Variants in SHROOM3 observed in about 807,000 individuals in gnomAD.
SHROOM3 encodes the protein shroom family member 3, also known as protein Shroom3.
In SHROOM3, 47 loss-of-function variants were observed where a neutral mutation model predicts 138.6. The observed-to-expected ratio is 0.34, with a 90% CI of 0.27 to 0.43. SHROOM3 has a LOEUF of 0.43. Ranked by LOEUF, SHROOM3 falls within the 20% of genes least tolerant of loss-of-function variation. The probability of loss-of-function intolerance (pLI) is 1.00; values close to 1 mark genes in which losing one functional copy is unlikely to be tolerated. For synonymous variants in SHROOM3, 1,062 were observed against 1,063.3 expected (o/e 1.00, Z 0.02); for missense variants, 2,491 against 2,596.5 (o/e 0.96, Z 0.88).
chr4:76,738,929 C>G lies in SHROOM3; in HGVS notation c.756C>G (p.Phe252Leu), dbSNP rs1721160385. The G allele has an allele frequency of 6.2e-7, 1 of 1,614,130 alleles. No individual in the cohort carries two copies. The highest frequency in any genetic ancestry group is 1.1e-5 in the South Asian group (1 of 91,094). ...GCAGCATTGACCAGCTCAGCCACTT[C>G]CATAACAAGAGAGACTCGGCTTACA... is the stretch of plus-strand genomic sequence containing the variant. ...STGSIDQLSH[F>L]HNKRDSAYSS... Residue 252 changes from phenylalanine (F) to leucine (L), a missense_variant, in exon 5 of 11, where the codon TTC becomes TTG. Transcript: ENST00000296043.
chr4:76,517,906 C>T (rs1043702638), intron 1 of SHROOM3, among the ~76,000 whole-genome samples: 12 of 152,134 alleles, frequency 7.9e-5, no homozygotes, highest in Admixed American at 2.6e-4. Context: ...CGGGATATTG[C>T]GGCTGCAGCA....
chr4:76,573,410 A>C (rs1372064508), intron 2 of SHROOM3, among the ~76,000 whole-genome samples: 2 of 148,304 alleles, frequency 1.3e-5, no homozygotes, highest in Non-Finnish European at 3.0e-5. Context: ...AATAATAATA[A>C]TAATAATAAT....
At chr4:76,755,228 C>T (rs751127098) in intron 7 of SHROOM3, 36 bp downstream of exon 7, 30 of 1,605,050 alleles carry the variant, frequency 1.9e-5, no homozygotes, top group Non-Finnish European at 2.4e-5. Context: ...CCCCCACTAA[C>T]AGGAGAGTGT....
At chr4:76,734,651 C>T (rs1025073084) in intron 4 of SHROOM3, among the ~76,000 whole-genome samples, 1 of 152,006 alleles carries the variant, frequency 6.6e-6, no homozygotes, top group African/African-American at 2.4e-5. Context: ...GCTGGGATTA[C>T]AGGCGTGAGC....
chr4:76,537,114 A>C (rs571914996), intron 1 of SHROOM3, among the ~76,000 whole-genome samples: 33 of 152,186 alleles, frequency 2.2e-4, no homozygotes, highest in Non-Finnish European at 4.1e-4. Context: ...CTCCATCTCA[A>C]AAATAATAAT....
At chr4:76,700,080 T>C (rs1719860772) in intron 2 of SHROOM3, among the ~76,000 whole-genome samples, 1 of 152,156 alleles carries the variant, frequency 6.6e-6, no homozygotes, top group African/African-American at 2.4e-5. Context: ...AAATACTTAT[T>C]GGGCATCATC....
chr4:76,507,889 T>C (rs1252694807), intron 1 of SHROOM3, among the ~76,000 whole-genome samples: 1 of 152,172 alleles, frequency 6.6e-6, no homozygotes, highest in African/African-American at 2.4e-5. Flanking sequence ...ATAAATCCTT[T>C]GCTCATTTTA....
intron 6 of SHROOM3, 107 bp downstream of exon 6, chr4:76,749,197 A>G: frequency 9.0e-7 from 1 of 1,112,472 alleles, no homozygotes; most frequent in Non-Finnish European, 1.4e-6. Flanking sequence ...ATAGTGTCAC[A>G]TGCTTTTTTG....
intron 1 of SHROOM3, among the ~76,000 whole-genome samples, chr4:76,477,218 C>T (rs1360091864): frequency 4.6e-5 from 7 of 152,180 alleles, no homozygotes; most frequent in Admixed American, 6.5e-5. Flanking sequence ...CCACCCCCCA[C>T]TCGGCCTCCC....
rs181194611 is a variant in SHROOM3 at position 76,741,904 on chromosome 4, C to T, written c.3731C>T (p.Pro1244Leu). Residue 1244 changes from proline (P) to leucine (L), a missense_variant, in exon 5 of 11, where the codon CCC (proline) becomes CTC (leucine). Pro to Leu is a moderately conservative substitution (Grantham distance 98). This residue lies in a region of SHROOM3 where 1,733 missense variants were observed against 1,661.6 expected (regional missense o/e 1.04). Transcript: ENST00000296043. The surrounding 1 kb of genome is among the most constrained non-coding windows in gnomAD (Gnocchi z 6.2). Reference protein sequence around the residue: ...GPVHVRSRSSPATADKRQDVL... With the variant: ...GPVHVRSRSSLATADKRQDVL... ...GTCCATGTGAGGTCCAGGTCATCTC[C>T]CGCCACCGCAGACAAGCGCCAGGTA... 98 of 1,612,448 alleles carry T rather than the reference C, an allele frequency of 6.1e-5. No homozygotes were observed. The East Asian group carries it at 2.0e-3, about 32-fold the overall frequency.
rs146400649 is a variant in SHROOM3, at chr4:76,701,133, G to A, written c.324-9023G>A. 4.6e-4 allele frequency among the ~76,000 whole-genome samples: 70 copies of A among 152,192 alleles called. No homozygotes were observed. The East Asian group carries it at 0.01, about 22-fold the overall frequency. ...CCTGCATCATTTCAGCAGTGTGACC[G>A]GCGCTAGAAAGTTCTTGTAGGGGCA... On this transcript the variant is annotated intron_variant, in intron 2 of 10. Transcript: ENST00000296043.
intron 1 of SHROOM3, among the ~76,000 whole-genome samples, chr4:76,503,668 A>T (rs1447808381): frequency 6.6e-6 from 1 of 152,126 alleles, no homozygotes; most frequent in East Asian, 1.9e-4. Context: ...ACTTGAGGTG[A>T]TCCACCTACC....
At chr4:76,687,637 C>T (rs956387692) in intron 2 of SHROOM3, among the ~76,000 whole-genome samples, 1 of 152,216 alleles carries the variant, frequency 6.6e-6, no homozygotes, top group Non-Finnish European at 1.5e-5. Context: ...TTGCTTCCAT[C>T]TAAAAATATC....
chr4:76,504,821 A>G (rs78103618), intron 1 of SHROOM3, among the ~76,000 whole-genome samples: 302 of 152,306 alleles, frequency 2.0e-3, no homozygotes, highest in African/African-American at 6.9e-3. Flanking sequence ...TATCATTACT[A>G]TCATCTGGAT....
chr4:76,624,145 A>T (rs1371471377), intron 2 of SHROOM3, among the ~76,000 whole-genome samples: 1 of 152,254 alleles, frequency 6.6e-6, no homozygotes, highest in South Asian at 2.1e-4. Context: ...TAAAATGATC[A>T]TAAAACCTTC....
chr4:76,667,065 G>A (rs1414877664), intron 2 of SHROOM3, among the ~76,000 whole-genome samples: 2 of 152,194 alleles, frequency 1.3e-5, no homozygotes, highest in Admixed American at 6.5e-5. Context: ...GTTGGCAGGG[G>A]CTGGGGAATG....
chr4:76,552,366 AC>A (rs1463186933), intron 1 of SHROOM3, among the ~76,000 whole-genome samples: 1 of 150,580 alleles, frequency 6.6e-6, no homozygotes, highest in Non-Finnish European at 1.5e-5. Context: ...AATTAGCCAG[AC>A]CTGTTGGCAC....
At chr4:76,633,778 A>G (rs868352709) in intron 2 of SHROOM3, among the ~76,000 whole-genome samples, 2 of 152,140 alleles carry the variant, frequency 1.3e-5, no homozygotes, top group African/African-American at 2.4e-5. Context: ...CAAATACCCA[A>G]TAGTATGTTT....
At position 76,739,741 on chromosome 4, in the gene SHROOM3, C is replaced by G; in HGVS notation, c.1568C>G (p.Ser523Cys). The G allele has an allele frequency of 6.2e-7, 1 of 1,614,230 alleles. No homozygotes were observed. The highest frequency in any genetic ancestry group is 1.1e-5 in the South Asian group (1 of 91,084). The change falls in exon 5 of 11, where the codon TCT becomes TGT. Residue 523 changes from serine to cysteine, a missense_variant. Physicochemically the swap from Ser to Cys is moderately radical, Grantham distance 112 (BLOSUM62 -1). Transcript: ENST00000296043. ...TIDENGNQNG[S>C]GRPGFAFCQP... ...GATGAGAATGGGAACCAGAATGGAT[C>G]TGGCAGGCCTGGGTTTGCCTTCTGC...
Sources: allele counts gnomAD v4.1 joint callset (sites outside exome capture counted in the v4.1 genomes callset), GRCh38; gene constraint gnomAD v4.1.1; regional missense constraint gnomAD v4.1.1; non-coding constraint Gnocchi (gnomAD v3.1); transcripts MANE v1.5; gene names NCBI Gene and HGNC (gene_info 2026-07-23, HGNC 2026-07-21).